PRKG1: variants seen among roughly 807,000 people sequenced by gnomAD.
The protein encoded by PRKG1 is protein kinase cGMP-dependent 1.
A neutral mutation model predicts 88.1 loss-of-function variants in PRKG1; 35 were observed. That is an observed-to-expected ratio of 0.40 (90% CI 0.30 to 0.53). The LOEUF (loss-of-function observed/expected upper bound fraction) is 0.53. Among genes scored for constraint, PRKG1 ranks in the 20% least tolerant of loss-of-function variants. The probability of loss-of-function intolerance (pLI) is 0.59; values close to 1 mark genes in which losing one functional copy is unlikely to be tolerated. For missense variants in PRKG1, 540 were observed against 839.8 expected (o/e 0.64, Z 4.41); for synonymous variants, 303 against 292.5 (o/e 1.04, Z -0.37).
chr10:51,935,145 C>T (rs1462451723), intron 5 of PRKG1, among the ~76,000 whole-genome samples: 1 of 152,076 alleles, frequency 6.6e-6, no homozygotes, highest in Non-Finnish European at 1.5e-5. Flanking sequence ...AAATCTTTGT[C>T]TTATTCACCT....
intron 3 of PRKG1, among the ~76,000 whole-genome samples, chr10:51,530,117 T>C (rs1211546878): frequency 6.6e-6 from 1 of 152,208 alleles, no homozygotes; most frequent in Non-Finnish European, 1.5e-5. Context: ...CATAGCATTT[T>C]TCTATAGTTT....
Position 51,804,587 on chromosome 10 carries a change from C to T in PRKG1, c.595C>T (p.Leu199Phe). ...NCTRTATVKT[L>F]VNVKLWAIDR... ...GTTTCTCTTTTATTTTTCTCCAGCTCTTGTAAATGTAAAACTCTGGGCCAT... is the reference window on the plus strand; with the variant it reads ...GTTTCTCTTTTATTTTTCTCCAGCTTTTGTAAATGTAAAACTCTGGGCCAT... Residue 199 changes from leucine (L) to phenylalanine (F), a missense_variant and splice_region_variant, in exon 4 of 18, where the codon CTT (leucine) becomes TTT (phenylalanine). Around this residue, in one of 5 missense-constraint regions of PRKG1, gnomAD observed 400 missense variants for 562.7 expected, o/e 0.71. Coordinates refer to ENST00000373980, the MANE Select transcript of PRKG1 (RefSeq NM_006258.4). The T allele has an allele frequency of 6.3e-7, 1 of 1,577,612 alleles. No homozygotes were observed. Among genetic ancestry groups the T allele is most frequent in the Non-Finnish European group, 8.7e-7 (1 of 1,148,248 alleles).
At chr10:50,992,486 T>A (rs916161119) in intron 1 of PRKG1, among the ~76,000 whole-genome samples, 1 of 152,100 alleles carries the variant, frequency 6.6e-6, no homozygotes, top group Non-Finnish European at 1.5e-5. Flanking sequence ...TAGTGCGCCC[T>A]CCCTTTTTGT....
At chr10:51,133,100 C>T (rs957621787) in intron 1 of PRKG1, among the ~76,000 whole-genome samples, 3 of 152,076 alleles carry the variant, frequency 2.0e-5, no homozygotes, top group Non-Finnish European at 4.4e-5. Flanking sequence ...TGATGGCTGT[C>T]ATATATGGAT....
At chr10:51,904,020 ATCT>A (rs1842034950) in intron 4 of PRKG1, among the ~76,000 whole-genome samples, 1 of 152,088 alleles carries the variant, frequency 6.6e-6, no homozygotes, top group Admixed American at 6.6e-5. Flanking sequence ...CTCAAATCTC[ATCT>A]TCTATTATTG....
At chr10:51,293,008 A>G (rs1234423791) in intron 2 of PRKG1, among the ~76,000 whole-genome samples, 1 of 152,112 alleles carries the variant, frequency 6.6e-6, no homozygotes, top group African/African-American at 2.4e-5. Context: ...CCCTCACAGT[A>G]TCTTGGTTGG....
At chr10:51,248,495 A>C (rs1839349714) in intron 2 of PRKG1, among the ~76,000 whole-genome samples, 1 of 151,830 alleles carries the variant, frequency 6.6e-6, no homozygotes, top group African/African-American at 2.4e-5. Flanking sequence ...TTTCTCATCT[A>C]AGTACATTTG....
At chr10:51,468,824 A>G (rs1839973854) in intron 3 of PRKG1, among the ~76,000 whole-genome samples, 1 of 151,780 alleles carries the variant, frequency 6.6e-6, no homozygotes, top group African/African-American at 2.4e-5. Flanking sequence ...AGTACAGCAT[A>G]TAACTGAAAA....
intron 2 of PRKG1, among the ~76,000 whole-genome samples, chr10:51,196,565 A>T (rs1387664895): frequency 6.6e-6 from 1 of 152,192 alleles, no homozygotes; most frequent in Non-Finnish European, 1.5e-5. Flanking sequence ...ATACATAAAT[A>T]CTACAATAAC....
At chr10:52,138,976 A>G (rs1473837703) in intron 8 of PRKG1, among the ~76,000 whole-genome samples, 1 of 152,136 alleles carries the variant, frequency 6.6e-6, no homozygotes, top group African/African-American at 2.4e-5. Context: ...TAGCAAATAT[A>G]TTACTGAAGA....
In PRKG1 at chr10:51,088,809, T is replaced by A. The variant is rs1343475292; in HGVS notation, c.311+13908T>A. ...GGCACACAGTAGATATTTAATATGA[T>A]TTTTTTTTTTTTTTTTTGTCAAATG... On this transcript the variant is annotated intron_variant, in intron 1 of 17. Transcript: ENST00000373980. Among the ~76,000 whole-genome samples, 8 of 34,168 alleles carry A rather than the reference T, an allele frequency of 2.3e-4. No homozygotes were observed. The African/African-American group carries it at 2.4e-3, about 10-fold the overall frequency. The allele number at this position is 34,168 out of a possible 152,430, so 22.4% of individuals were successfully genotyped here. A position where few individuals can be genotyped will look rare whatever the true frequency, so the allele number is the denominator to read the frequency against.
At chr10:51,502,832 A>G (rs1326166446) in intron 3 of PRKG1, among the ~76,000 whole-genome samples, 2 of 152,166 alleles carry the variant, frequency 1.3e-5, no homozygotes, top group Non-Finnish European at 1.5e-5. Flanking sequence ...TCTTGAATGA[A>G]CAAACTAAAT....
At chr10:51,468,123 A>G (rs1384536161) in intron 3 of PRKG1, among the ~76,000 whole-genome samples, 1 of 151,946 alleles carries the variant, frequency 6.6e-6, no homozygotes, top group Non-Finnish European at 1.5e-5. Context: ...TTTGAATCAA[A>G]TAAGAGCAAG....
At chr10:51,193,299 AC>A (rs1837677316) in intron 2 of PRKG1, among the ~76,000 whole-genome samples, 1 of 152,016 alleles carries the variant, frequency 6.6e-6, no homozygotes, top group East Asian at 1.9e-4. Flanking sequence ...ACCTGGAGGT[AC>A]TGTTGAATAT....
At chr10:51,039,893 G>A (rs193067020) in intron 1 of PRKG1, among the ~76,000 whole-genome samples, 2 of 152,094 alleles carry the variant, frequency 1.3e-5, no homozygotes, top group Non-Finnish European at 2.9e-5. Flanking sequence ...GTAGATGTAT[G>A]GATTTGTTTC....
chr10:51,806,090 CAG>C (rs1213226651), intron 4 of PRKG1, among the ~76,000 whole-genome samples: 4 of 151,908 alleles, frequency 2.6e-5, no homozygotes, highest in Non-Finnish European at 4.4e-5. Flanking sequence ...AAGATAGAGA[CAG>C]AGAGAATGAA....
chr10:51,566,740 G>C (rs1837615164), intron 3 of PRKG1, among the ~76,000 whole-genome samples: 1 of 151,940 alleles, frequency 6.6e-6, no homozygotes, highest in African/African-American at 2.4e-5. Flanking sequence ...CTGGATGGAG[G>C]ACCCACAGGA....
rs140701127 is a variant in PRKG1, at chr10:51,754,254, C to G, written c.593-50331C>G. Among the ~76,000 whole-genome samples the G allele has an allele frequency of 6.2e-3, 947 of 152,270 alleles. 7 individuals carry two copies. Among genetic ancestry groups the G allele is most frequent in the African/African-American group, 0.022 (896 of 41,552 alleles). Reference sequence around the variant, plus strand: ...TTGATTTGGATCTAGTCCTTCAAATCTCAAGCAAGCCTCAGGTTTCCATCT... The same window carrying G: ...TTGATTTGGATCTAGTCCTTCAAATGTCAAGCAAGCCTCAGGTTTCCATCT... On this transcript the variant is annotated intron_variant, in intron 3 of 17. Transcript: ENST00000373980.
intron 1 of PRKG1, among the ~76,000 whole-genome samples, chr10:50,996,236 C>CGAG (rs1441173592): frequency 3.9e-5 from 6 of 152,246 alleles, no homozygotes; most frequent in African/African-American, 1.4e-4. Flanking sequence ...ACTTTTCAGG[C>CGAG]GAGGAATCTG....
Sources: gnomAD v4.1 joint callset for allele counts (sites outside exome capture counted in the v4.1 genomes callset) on GRCh38, gnomAD v4.1.1 for gene constraint, gnomAD v4.1.1 regional missense constraint, MANE v1.5 for transcripts, NCBI Gene and HGNC (gene_info 2026-07-23, HGNC 2026-07-21) for gene names.